Variants in DTNB observed in about 807,000 individuals in gnomAD.
DTNB encodes the protein dystrobrevin beta.
DTNB carries 63 observed loss-of-function variants against 90.7 expected under a neutral mutation model. That is an observed-to-expected ratio of 0.69 (90% CI 0.57 to 0.86). The LOEUF is 0.86. Ranked by LOEUF, DTNB falls within the 40% of genes least tolerant of loss-of-function variation. The pLI is 0.00. For synonymous variants in DTNB, 277 were observed against 286.7 expected (o/e 0.97, Z 0.34); for missense variants, 744 against 807.1 (o/e 0.92, Z 0.95).
chr2:25,601,087 G>A (rs1203542143), intron 5 of DTNB, among the ~76,000 whole-genome samples: 1 of 152,058 alleles, frequency 6.6e-6, no homozygotes, highest in African/African-American at 2.4e-5. Context: ...AAAAATGATT[G>A]CTAATTCTTA....
intron 3 of DTNB, among the ~76,000 whole-genome samples, chr2:25,636,054 T>C (rs1457164707): frequency 6.6e-6 from 1 of 152,146 alleles, no homozygotes; most frequent in Non-Finnish European, 1.5e-5. Flanking sequence ...GGAAGACTCT[T>C]TAGCAGTAAA....
At chr2:25,552,337 C>T (rs762890875) in intron 8 of DTNB, among the ~76,000 whole-genome samples, 41 of 152,318 alleles carry the variant, frequency 2.7e-4, no homozygotes, top group Middle Eastern at 3.4e-3. Flanking sequence ...TATAGCTAGT[C>T]TTCTTAGCAA....
Position 25,607,300 on chromosome 2 carries a change from C to T in DTNB, c.384G>A (p.Thr128=), listed in dbSNP as rs528288356. ...CTAACATAGCTTTAACTGAAAATAC[C>T]GTCAACTTGCCTCGGCCCTCACTGC... ...AYDSEGRGKL[T]VFSVKAMLAT... is the part of the protein sequence containing the mutation. The change falls in exon 5 of 21, where the codon ACG becomes ACA. Residue 128 remains threonine, a synonymous_variant. Coordinates refer to ENST00000406818, the MANE Select transcript of DTNB (RefSeq NM_021907.5). 22 of 1,605,068 alleles carry T rather than the reference C, an allele frequency of 1.4e-5. No individual in the cohort carries two copies. The African/African-American group carries it at 1.9e-4, about 14-fold the overall frequency.
chr2:25,607,144 G>C, intron 5 of DTNB, 92 bp downstream of exon 5: 1 of 1,374,090 alleles, frequency 7.3e-7, no homozygotes, highest in Non-Finnish European at 1.0e-6. Context: ...TTTTTTAAAA[G>C]CTCAATATAA....
At chr2:25,508,803 G>C (rs1007543542) in intron 9 of DTNB, among the ~76,000 whole-genome samples, 1 of 151,952 alleles carries the variant, frequency 6.6e-6, no homozygotes, top group Admixed American at 6.6e-5. Context: ...CAAAGTGCTG[G>C]GATTATAGGC....
At chr2:25,541,407 G>A (rs1254676110) in intron 8 of DTNB, among the ~76,000 whole-genome samples, 3 of 152,052 alleles carry the variant, frequency 2.0e-5, no homozygotes, top group Non-Finnish European at 4.4e-5. Flanking sequence ...ACTTGAACCC[G>A]GGAGACGGAA....
At chr2:25,660,075 T>C (rs954379033) in intron 1 of DTNB, among the ~76,000 whole-genome samples, 6 of 152,198 alleles carry the variant, frequency 3.9e-5, no homozygotes, top group African/African-American at 1.2e-4. Flanking sequence ...TGGAACAGAC[T>C]GGGAGTCCAG....
chr2:25,463,803 T>C (rs1236415866), intron 10 of DTNB, among the ~76,000 whole-genome samples: 1 of 152,210 alleles, frequency 6.6e-6, no homozygotes, highest in Middle Eastern at 3.2e-3. Context: ...GGTACTGGAT[T>C]AGAGTCAGAT....
intron 8 of DTNB, among the ~76,000 whole-genome samples, chr2:25,536,965 T>C (rs2079967474): frequency 6.6e-6 from 1 of 152,008 alleles, no homozygotes; most frequent in Admixed American, 6.6e-5. Context: ...ATGGTCTCAA[T>C]CTCCTGACCT....
At chr2:25,529,770 CTG>C in intron 9 of DTNB, among the ~76,000 whole-genome samples, 1 of 152,292 alleles carries the variant, frequency 6.6e-6, no homozygotes, top group East Asian at 1.9e-4. Flanking sequence ...CACTATGTGA[CTG>C]TGTAATGAAG....
intron 1 of DTNB, among the ~76,000 whole-genome samples, chr2:25,663,968 T>G (rs2083796115): frequency 2.0e-5 from 3 of 152,184 alleles, no homozygotes; most frequent in Admixed American, 6.5e-5. Flanking sequence ...TTAATAAAAT[T>G]TTAAGGTACT....
intron 9 of DTNB, among the ~76,000 whole-genome samples, chr2:25,483,677 G>A (rs1383929193): frequency 6.6e-6 from 1 of 152,190 alleles, no homozygotes; most frequent in Non-Finnish European, 1.5e-5. Flanking sequence ...TCAAAAAGGT[G>A]CCAGGTATCT....
intron 9 of DTNB, among the ~76,000 whole-genome samples, chr2:25,495,173 C>A (rs540583669): frequency 2.6e-5 from 4 of 152,164 alleles, no homozygotes; most frequent in Admixed American, 1.3e-4. Context: ...TCAAGTGATT[C>A]TCTTGCTTCG....
chr2:25,565,833 A>T (rs1027736345), intron 8 of DTNB, among the ~76,000 whole-genome samples: 3 of 152,026 alleles, frequency 2.0e-5, no homozygotes, highest in Admixed American at 6.5e-5. Flanking sequence ...TACTTTTTTT[A>T]AAAAAACTAA....
At position 25,565,612 on chromosome 2, in the gene DTNB, A is replaced by AT. The variant is rs5829980; in HGVS notation, c.876+11225dup. ...TTCTCTTCTATTCCCAGTTTATTGC[A>AT]TTTTTTTTTTATCGTGACAGAATTT... On this transcript the variant is annotated intron_variant, in intron 8 of 20. Coordinates refer to ENST00000406818, the MANE Select transcript of DTNB (RefSeq NM_021907.5). 4.2e-4 allele frequency among the ~76,000 whole-genome samples: 63 copies of AT among 149,048 alleles called. 1 individual carries two copies. Among genetic ancestry groups the AT allele is most frequent in the Admixed American group, 1.1e-3 (16 of 14,924 alleles).
intron 8 of DTNB, among the ~76,000 whole-genome samples, chr2:25,568,420 C>T (rs1472111220): frequency 6.6e-6 from 1 of 151,664 alleles, no homozygotes; most frequent in African/African-American, 2.4e-5. Flanking sequence ...CAGAAAAGCA[C>T]GTATGCCCAG....
Position 25,560,537 on chromosome 2 carries a change from T to C in DTNB, c.876+16301A>G, listed in dbSNP as rs546580265. 5.4e-5 allele frequency among the ~76,000 whole-genome samples: 8 copies of C among 147,562 alleles called. No homozygotes were observed. In the East Asian group the frequency reaches 1.5e-3, roughly 28 times the overall value. On this transcript the variant is annotated intron_variant, in intron 8 of 20. Coordinates refer to ENST00000406818, the MANE Select transcript of DTNB (RefSeq NM_021907.5). ...CCCAAACTGAAAGATCAACTCTTTC[T>C]AGGTCTGGAGCCTGCTGGAACTACC...
intron 9 of DTNB, among the ~76,000 whole-genome samples, chr2:25,527,883 G>A (rs918758103): frequency 3.3e-5 from 5 of 152,166 alleles, no homozygotes; most frequent in East Asian, 1.9e-4. Flanking sequence ...TATGAAAAGA[G>A]AGAATGCTCC....
intron 10 of DTNB, among the ~76,000 whole-genome samples, chr2:25,458,288 C>T (rs1200214761): frequency 6.6e-6 from 1 of 152,006 alleles, no homozygotes; most frequent in East Asian, 1.9e-4. Context: ...TTTATTTTCA[C>T]ATTGAAAATC....
Sources: allele counts gnomAD v4.1 joint callset (sites outside exome capture counted in the v4.1 genomes callset), GRCh38; gene constraint gnomAD v4.1.1; transcripts MANE v1.5; gene names NCBI Gene and HGNC (gene_info 2026-07-23, HGNC 2026-07-21).